The following FBLN2 variants were observed in gnomAD, a reference collection of about 807,000 sequenced individuals.
FBLN2 encodes the protein fibulin 2.
In FBLN2, 81 loss-of-function variants were observed where a neutral mutation model predicts 123.7. The ratio of observed to expected loss-of-function variants is 0.65; its 90% CI spans 0.55 to 0.79. The LOEUF (loss-of-function observed/expected upper bound fraction) is 0.79, where lower values mean the gene tolerates loss of function less well. FBLN2 is among the 30% of genes least tolerant of loss of function. The pLI, the probability that FBLN2 is intolerant of heterozygous loss-of-function variation, is 0.00. For synonymous variants in FBLN2, 699 were observed against 701.4 expected, an observed-to-expected ratio of 1.00 and a Z score of 0.05; for missense variants, 1,603 against 1,681.3, an observed-to-expected ratio of 0.95 and a Z score of 0.81.
In FBLN2 at chr3:13,627,951, C is replaced by G. The variant is rs1054210943; in HGVS notation, c.2551C>G (p.Pro851Ala). Residue 851 changes from proline to alanine, a missense_variant, in exon 11 of 18, where the codon CCT (proline) becomes GCT (alanine). Physicochemically the swap from Pro to Ala is conservative, Grantham distance 27. Coordinates refer to ENST00000404922, the MANE Select transcript of FBLN2 (RefSeq NM_001004019.2). ...QRCMDGFLQDPEGNCVDINEC... is the reference protein window; with the variant it reads ...QRCMDGFLQDAEGNCVDINEC... ...CTGCATGGATGGCTTCCTGCAGGAT[C>G]CTGAAGGCAACTGTGTGGGTGAGCG... 7 of 1,613,446 alleles carry G rather than the reference C, an allele frequency of 4.3e-6. No individual in the cohort carries two copies. The African/African-American group carries it at 8.0e-5, about 18-fold the overall frequency.
Position 13,614,145 on chromosome 3 carries a change from C to T in FBLN2, c.1710C>T (p.Pro570=), listed in dbSNP as rs61731211. The change falls in exon 5 of 18, where the codon CCC becomes CCT. Residue 570 remains proline (P), a synonymous_variant. Coordinates refer to ENST00000404922, the MANE Select transcript of FBLN2 (RefSeq NM_001004019.2). Reference sequence around the variant, plus strand: ...CTGAGGTTCGCCGACCTCCAGAGCCCGCAGCTGCACCACGGAGAGGTGAGT... The same window carrying T: ...CTGAGGTTCGCCGACCTCCAGAGCCTGCAGCTGCACCACGGAGAGGTGAGT... ...IVPEVRRPPE[P]AAAPRRVSEA... is the part of the protein sequence containing the mutation. The T allele has an allele frequency of 9.0e-4, 1,444 of 1,612,244 alleles. 12 individuals are homozygous for T. The African/African-American group carries it at 0.017, about 19-fold the overall frequency.
chr3:13,616,594 C>T (rs1299940182), intron 5 of FBLN2, among the ~76,000 whole-genome samples: 6 of 152,184 alleles, frequency 3.9e-5, no homozygotes, highest in Non-Finnish European at 5.9e-5. Flanking sequence ...ATATGAAACA[C>T]GTTCCTCATA....
intron 1 of FBLN2, among the ~76,000 whole-genome samples, chr3:13,551,032 C>T (rs1703308046): frequency 6.6e-6 from 1 of 152,226 alleles, no homozygotes; most frequent in Admixed American, 6.5e-5. Flanking sequence ...CTGCCCACCC[C>T]CAACCCAGGG....
In FBLN2 at chr3:13,592,839, T is replaced by C. The variant is rs1171725070; in HGVS notation, c.1307-15223T>C. Reference sequence around the variant, plus strand: ...CAGTTTATTTAGCTCATTCTGTGAGTTGGGAATTTGGGCTGGGCTCTGCTG... The same window carrying C: ...CAGTTTATTTAGCTCATTCTGTGAGCTGGGAATTTGGGCTGGGCTCTGCTG... On this transcript the variant is annotated intron_variant, in intron 2 of 17. Coordinates refer to ENST00000404922, the MANE Select transcript of FBLN2 (RefSeq NM_001004019.2). Among the ~76,000 whole-genome samples, 4 of 152,286 alleles carry C rather than the reference T, an allele frequency of 2.6e-5. No individual in the cohort carries two copies. The East Asian group carries it at 7.7e-4, about 29-fold the overall frequency.
chr3:13,621,944 C>G, intron 9 of FBLN2, 29 bp downstream of exon 9: 3 of 1,603,818 alleles, frequency 1.9e-6, no homozygotes, highest in Non-Finnish European at 2.6e-6. Flanking sequence ...TGCCGCCCGC[C>G]GTCACAGCTC....
chr3:13,631,304 CA>C, intron 15 of FBLN2, 24 bp from the exon 16 acceptor site: 1 of 1,595,712 alleles, frequency 6.3e-7, no homozygotes, highest in Non-Finnish European at 8.5e-7. Context: ...CGAGGTTCAC[CA>C]GGGGCTGAAC....
chr3:13,621,159 G>A (rs1486310287), intron 8 of FBLN2, among the ~76,000 whole-genome samples: 1 of 152,258 alleles, frequency 6.6e-6, no homozygotes, highest in Admixed American at 6.5e-5. Flanking sequence ...GTGAAAGCTG[G>A]GGTCCAGGTT....
chr3:13,589,396 C>T (rs1015920338), intron 2 of FBLN2, among the ~76,000 whole-genome samples: 9 of 152,126 alleles, frequency 5.9e-5, no homozygotes, highest in Non-Finnish European at 1.3e-4. Flanking sequence ...CCCTCCCACC[C>T]ATGTTGTTGA....
At chr3:13,591,622 C>G (rs1047042152) in intron 2 of FBLN2, among the ~76,000 whole-genome samples, 3 of 152,120 alleles carry the variant, frequency 2.0e-5, no homozygotes, top group Non-Finnish European at 4.4e-5. Flanking sequence ...GTTCCATTAT[C>G]TGTCTTTGCA....
Position 13,570,512 on chromosome 3 carries a change from G to C in FBLN2, c.157G>C (p.Ala53Pro). 1 of 1,586,078 alleles carries C rather than the reference G, an allele frequency of 6.3e-7. No homozygotes were observed. The highest frequency in any genetic ancestry group is 1.1e-5 in the South Asian group (1 of 86,970). Residue 53 changes from alanine to proline, a missense_variant, in exon 2 of 18, where the codon GCC (alanine) becomes CCC (proline). Coordinates refer to ENST00000404922, the MANE Select transcript of FBLN2 (RefSeq NM_001004019.2). ...CATTGAGGAGGCGCTGGAGCCGGGTGCCTGCTGTGCCACGTGTGTGCAGCA... is the reference window on the plus strand; with the variant it reads ...CATTGAGGAGGCGCTGGAGCCGGGTCCCTGCTGTGCCACGTGTGTGCAGCA... ...NCIEEALEPG[A>P]CCATCVQQGC...
chr3:13,619,474 G>T (rs1464016461), intron 7 of FBLN2, among the ~76,000 whole-genome samples: 1 of 152,094 alleles, frequency 6.6e-6, no homozygotes, highest in Non-Finnish European at 1.5e-5. Flanking sequence ...GTCACGCAAG[G>T]CATGGGCTGG....
At position 13,636,558 on chromosome 3, in the gene FBLN2, G is replaced by T; in HGVS notation, c.3328G>T (p.Val1110Phe). The change falls in exon 17 of 18, where the codon GTC becomes TTC. Residue 1110 changes from valine (V) to phenylalanine (F), a missense_variant. Transcript: ENST00000404922. The stretch of plus-strand genomic sequence containing the variant: ...CGAGTGTCCTCCCAACTATGTCCAA[G>T]TCTCCAAAACGTGAGTGTCCCCACC... ...RFECPPNYVQVSKTKCERTTC... is the reference protein window; with the variant it reads ...RFECPPNYVQFSKTKCERTTC... 1.2e-6 allele frequency: 2 copies of T among 1,613,392 alleles called. No individual in the cohort carries two copies. Among genetic ancestry groups the T allele is most frequent in the Non-Finnish European group, 8.5e-7 (1 of 1,179,662 alleles).
intron 17 of FBLN2, among the ~76,000 whole-genome samples, chr3:13,637,134 C>T (rs903676765): frequency 3.4e-4 from 52 of 152,180 alleles, no homozygotes; most frequent in African/African-American, 1.3e-3. Flanking sequence ...TGACAGACCG[C>T]TACTCTGCCA....
intron 5 of FBLN2, among the ~76,000 whole-genome samples, chr3:13,617,573 A>G (rs1230495999): frequency 7.7e-6 from 1 of 129,382 alleles, no homozygotes; most frequent in Non-Finnish European, 1.6e-5. Context: ...GTTACAACCC[A>G]TCCACCCATC....
chr3:13,615,247 G>C (rs1404677666), intron 5 of FBLN2, among the ~76,000 whole-genome samples: 1 of 152,248 alleles, frequency 6.6e-6, no homozygotes, highest in Non-Finnish European at 1.5e-5. Flanking sequence ...GGTGGCCCTG[G>C]GGCTGGTGCC....
intron 2 of FBLN2, among the ~76,000 whole-genome samples, chr3:13,582,006 G>C (rs1325773685): frequency 3.3e-5 from 5 of 151,994 alleles, no homozygotes; most frequent in African/African-American, 1.2e-4. Flanking sequence ...TTGCTTAACT[G>C]TCCTGGGCCT....
At chr3:13,622,973 CCT>C (rs199782350) in intron 9 of FBLN2, among the ~76,000 whole-genome samples, 1 of 152,248 alleles carries the variant, frequency 6.6e-6, no homozygotes, top group South Asian at 2.1e-4. Flanking sequence ...AGGATCAGAA[CCT>C]AGTGCGTTCA....
intron 5 of FBLN2, among the ~76,000 whole-genome samples, chr3:13,615,211 A>G (rs555283659): frequency 6.6e-6 from 1 of 152,364 alleles, no homozygotes; most frequent in South Asian, 2.1e-4. Flanking sequence ...GTGAGTCAGC[A>G]GATGTCCTTT....
Position 13,598,304 on chromosome 3 carries a change from GGGA to G in FBLN2, c.1307-9756_1307-9754del, listed in dbSNP as rs548733409. Among the ~76,000 whole-genome samples, 39 of 152,308 alleles carry G rather than the reference GGGA, an allele frequency of 2.6e-4. No individual in the cohort carries two copies. In the South Asian group the frequency reaches 7.3e-3, roughly 28 times the overall value. On this transcript the variant is annotated intron_variant, in intron 2 of 17. Coordinates refer to ENST00000404922, the MANE Select transcript of FBLN2 (RefSeq NM_001004019.2). ...CGTTCCCACTTGTGAAATTTGGGTG[GGGA>G]GAGTTACTTGCCCATTTTACAAGCA...
Sources: gnomAD v4.1 joint callset for allele counts (sites outside exome capture counted in the v4.1 genomes callset) on GRCh38, gnomAD v4.1.1 for gene constraint, MANE v1.5 for transcripts, NCBI Gene and HGNC (gene_info 2026-07-23, HGNC 2026-07-21) for gene names.